PTPRG: variants seen among roughly 807,000 people sequenced by gnomAD.
The protein encoded by PTPRG is protein tyrosine phosphatase receptor type G.
PTPRG carries 102 observed loss-of-function variants against 165.3 expected under a neutral mutation model. The ratio of observed to expected loss-of-function variants is 0.62; its 90% confidence interval spans 0.53 to 0.73. The LOEUF is 0.73. Among genes scored for constraint, PTPRG ranks in the 30% least tolerant of loss-of-function variants. The pLI is 0.00. For synonymous variants in PTPRG, 675 were observed against 669.5 expected, an observed-to-expected ratio of 1.01 and a Z score of -0.13; for missense variants, 1,866 against 1,861.4, an observed-to-expected ratio of 1.00 and a Z score of -0.05.
intron 1 of PTPRG, among the ~76,000 whole-genome samples, chr3:61,626,346 G>GA (rs1346104527): frequency 6.6e-6 from 1 of 152,056 alleles, no homozygotes; most frequent in African/African-American, 2.4e-5. Flanking sequence ...CTTATTGCTG[G>GA]AAAATCTGTA....
In PTPRG at chr3:62,240,067, A is replaced by G. The variant is rs1701123345; in HGVS notation, c.2376-3740A>G. Among the ~76,000 whole-genome samples the G allele has an allele frequency of 6.6e-6, 1 of 152,232 alleles. No individual in the cohort carries two copies. Among genetic ancestry groups the G allele is most frequent in the Non-Finnish European group, 1.5e-5 (1 of 68,048 alleles). On this transcript the variant is annotated intron_variant, in intron 14 of 29. Transcript: ENST00000474889. This position sits in a 1 kb window ranked among gnomAD's most constrained non-coding sequence, Gnocchi z 5.1. The stretch of plus-strand genomic sequence containing the variant: ...GATAGTTATTAAAGGAATAAATTAA[A>G]TACCAGCATTGTAATGCCTCCATGA...
chr3:61,866,423 A>C (rs1220801094), intron 2 of PTPRG, among the ~76,000 whole-genome samples: 1 of 151,888 alleles, frequency 6.6e-6, no homozygotes, highest in Non-Finnish European at 1.5e-5. Flanking sequence ...TGCAGGCTGG[A>C]GTAGGGTTGA....
chr3:61,970,745 C>T (rs2040363872), intron 2 of PTPRG, among the ~76,000 whole-genome samples: 1 of 152,034 alleles, frequency 6.6e-6, no homozygotes, highest in African/African-American at 2.4e-5. Flanking sequence ...TTTAATTCTT[C>T]TTGGCTTTGA....
intron 1 of PTPRG, among the ~76,000 whole-genome samples, chr3:61,583,999 C>G (rs1188790654): frequency 6.6e-6 from 1 of 152,204 alleles, no homozygotes; most frequent in Non-Finnish European, 1.5e-5. Flanking sequence ...TCTCCCCTGC[C>G]TGCCAAAAAT....
chr3:62,157,123 G>T lies in PTPRG; in HGVS notation c.739G>T (p.Gly247Cys). ...CCGGGACCTCCTGCCTGCATCCCTG[G>T]GCAGCTATTATCGGTACACAGGTTC... is the stretch of plus-strand genomic sequence containing the variant. Reference protein sequence around the residue: ...VLRDLLPASLGSYYRYTGSLT... With the variant: ...VLRDLLPASLCSYYRYTGSLT... Residue 247 changes from glycine to cysteine, a missense_variant, in exon 7 of 30, where the codon GGC becomes TGC. By Grantham distance (159) the Gly-to-Cys change is radical (BLOSUM62 -3). Around this residue, in one of 3 missense-constraint regions of PTPRG, gnomAD observed 408 missense variants for 376.2 expected, o/e 1.08. Coordinates refer to ENST00000474889, the MANE Select transcript of PTPRG (RefSeq NM_002841.4). 6.2e-7 allele frequency: 1 copy of T among 1,612,266 alleles called. No homozygotes were observed. The highest frequency in any genetic ancestry group is 8.5e-7 in the Non-Finnish European group (1 of 1,178,438).
intron 2 of PTPRG, among the ~76,000 whole-genome samples, chr3:61,811,562 C>A (rs1057468972): frequency 6.6e-6 from 1 of 152,148 alleles, no homozygotes; most frequent in Admixed American, 6.6e-5. Flanking sequence ...ATGTAACTTG[C>A]CCTCCATTTG....
At chr3:62,119,341 G>C (rs937710198) in intron 5 of PTPRG, among the ~76,000 whole-genome samples, 1 of 152,228 alleles carries the variant, frequency 6.6e-6, no homozygotes, top group African/African-American at 2.4e-5. Context: ...AATGGGCCAG[G>C]GAAGGCCTCC....
chr3:61,641,593 G>A lies in PTPRG; in HGVS notation c.85+79221G>A, dbSNP rs182461954. ...TGTTTCCAATTCATTTAAGGTTATC[G>A]GCTTTTGTGTTTTGTCCCACTACAG... On this transcript the variant is annotated intron_variant, in intron 1 of 29. Transcript: ENST00000474889. Among the ~76,000 whole-genome samples, 69 of 152,182 alleles carry A rather than the reference G, an allele frequency of 4.5e-4. 2 individuals carry two copies. In the South Asian group the frequency reaches 0.013, roughly 29 times the overall value.
At chr3:62,016,202 C>G (rs1408369707) in intron 4 of PTPRG, among the ~76,000 whole-genome samples, 1 of 152,168 alleles carries the variant, frequency 6.6e-6, no homozygotes, top group African/African-American at 2.4e-5. Context: ...TAGTCTCACT[C>G]TGTTACCCAG....
At chr3:62,074,352 CTTTT>C (rs200189646) in intron 4 of PTPRG, among the ~76,000 whole-genome samples, 2,584 of 108,854 alleles carry the variant, frequency 0.024, 43 homozygotes, top group African/African-American at 0.093. Context: ...TCTTTTCTTT[CTTTT>C]TTTTTTTTTT....
chr3:62,177,245 C>T (rs1330981448), intron 8 of PTPRG, among the ~76,000 whole-genome samples: 1 of 152,048 alleles, frequency 6.6e-6, no homozygotes, highest in Admixed American at 6.5e-5. Flanking sequence ...ATGGTCATGC[C>T]CACTGCACTC....
intron 1 of PTPRG, among the ~76,000 whole-genome samples, chr3:61,654,050 C>T (rs763605869): frequency 2.6e-5 from 4 of 152,206 alleles, no homozygotes; most frequent in Non-Finnish European, 1.5e-5. Flanking sequence ...GATACATGCC[C>T]TTCCAGGGCA....
At chr3:61,937,882 A>G (rs1285664205) in intron 2 of PTPRG, among the ~76,000 whole-genome samples, 1 of 152,066 alleles carries the variant, frequency 6.6e-6, no homozygotes, top group Non-Finnish European at 1.5e-5. Flanking sequence ...TGGTGCTGCC[A>G]AGAAGCTTTT....
chr3:61,640,703 A>AAG (rs1575557466), intron 1 of PTPRG, among the ~76,000 whole-genome samples: 1 of 152,242 alleles, frequency 6.6e-6, no homozygotes, highest in Admixed American at 6.5e-5. Context: ...TTCAGGTTTA[A>AAG]AGAAACGAAG....
chr3:62,025,845 G>A (rs2041791597), intron 4 of PTPRG, among the ~76,000 whole-genome samples: 1 of 152,178 alleles, frequency 6.6e-6, no homozygotes. Flanking sequence ...ATCTCTAGCA[G>A]TGGCTTCCTT....
At chr3:61,887,157 TATATA>T (rs2038070000) in intron 2 of PTPRG, among the ~76,000 whole-genome samples, 2 of 87,102 alleles carry the variant, frequency 2.3e-5, no homozygotes, top group Admixed American at 1.2e-4. Context: ...TATATATATA[TATATA>T]TATATATATT....
In PTPRG at chr3:61,995,080, C is replaced by CTTTTT. The variant is rs1233679653; in HGVS notation, c.370+5279_370+5280insTTTTT. On this transcript the variant is annotated intron_variant, in intron 3 of 29. Transcript: ENST00000474889. ...TTCTTTTTTCTTTTTTCTTTTCTTT[C>CTTTTT]TTTCTTTTTTTTTTTTTTTTTTTTT... Among the ~76,000 whole-genome samples the CTTTTT allele has an allele frequency of 7.4e-4, 79 of 107,370 alleles. 2 individuals carry two copies. The highest frequency in any genetic ancestry group is 2.5e-3 in the African/African-American group (60 of 24,228). The allele number at this position is 107,370 out of a possible 152,430, so 70.4% of individuals were successfully genotyped here. A position where few individuals can be genotyped will look rare whatever the true frequency, so the allele number is the denominator to read the frequency against.
chr3:61,646,316 G>T (rs1702200165), intron 1 of PTPRG, among the ~76,000 whole-genome samples: 1 of 152,148 alleles, frequency 6.6e-6, no homozygotes, highest in South Asian at 2.1e-4. Flanking sequence ...TTGCCATGTT[G>T]TCCAGGCTGG....
chr3:61,691,702 A>C (rs1271783144), intron 1 of PTPRG, among the ~76,000 whole-genome samples: 1 of 152,342 alleles, frequency 6.6e-6, no homozygotes, highest in East Asian at 1.9e-4. Context: ...TTTGGAAAAT[A>C]TCCCAGCAAC....
Sources: allele counts gnomAD v4.1 joint callset (sites outside exome capture counted in the v4.1 genomes callset), GRCh38; gene constraint gnomAD v4.1.1; regional missense constraint gnomAD v4.1.1; non-coding constraint Gnocchi (gnomAD v3.1); transcripts MANE v1.5; gene names NCBI Gene and HGNC (gene_info 2026-07-23, HGNC 2026-07-21).